HYCC2: variants seen among roughly 807,000 people sequenced by gnomAD.
HYCC2 encodes hyccin PI4KA lipid kinase complex subunit 2, also known as hyccin 2.
chr2:201,036,080 A>G, the HYCC2 span, among the ~76,000 whole-genome samples: 1 of 152,216 alleles, frequency 6.6e-6, no homozygotes, highest in Non-Finnish European at 1.5e-5. Context: ...GATCCCACAG[A>G]AATACAAACT....
chr2:200,997,321 C>T, the HYCC2 span: 23 of 650,690 alleles, frequency 3.5e-5, no homozygotes, highest in East Asian at 6.2e-4. Context: ...TACAGGAATG[C>T]AAGCTCCATG....
chr2:201,007,853 G>A, the HYCC2 span, among the ~76,000 whole-genome samples: 2 of 152,134 alleles, frequency 1.3e-5, no homozygotes. Context: ...AAAAACTCTG[G>A]AAACCAGAGC....
chr2:200,996,028 C>CTTTTTTTTTTTTTTTTTTT, the HYCC2 span: 1 of 115,506 alleles, frequency 8.7e-6, no homozygotes, highest in Non-Finnish European at 1.8e-5. Flanking sequence ...TTTCTTTTTT[C>CTTTTTTTTTTTTTTTTTTT]TTTTTTTTTT....
the HYCC2 span, among the ~76,000 whole-genome samples, chr2:201,038,995 A>T: frequency 6.6e-6 from 1 of 151,862 alleles, no homozygotes. Context: ...GCCACTTTTT[A>T]AAAATTATCC....
chr2:200,976,115 A>T, the HYCC2 span: 3 of 152,118 alleles, frequency 2.0e-5, no homozygotes, highest in African/African-American at 4.8e-5. Context: ...AAAACACTTT[A>T]AAAAAATTAA....
the HYCC2 span, among the ~76,000 whole-genome samples, chr2:201,062,785 T>C: frequency 1.3e-5 from 2 of 150,670 alleles, no homozygotes; most frequent in African/African-American, 4.9e-5. Flanking sequence ...ACCACTGCAC[T>C]CCAGCCTGGG....
chr2:201,016,209 T>C, the HYCC2 span, among the ~76,000 whole-genome samples: 2 of 152,046 alleles, frequency 1.3e-5, no homozygotes, highest in Non-Finnish European at 2.9e-5. Context: ...TAAAATACAT[T>C]ATCAAAAAAA....
At chr2:201,036,504 C>T in the HYCC2 span, among the ~76,000 whole-genome samples, 5 of 152,308 alleles carry the variant, frequency 3.3e-5, no homozygotes, top group African/African-American at 1.2e-4. Context: ...CAATAAAATA[C>T]TGGCAAACCG....
the HYCC2 span, among the ~76,000 whole-genome samples, chr2:201,062,826 A>C: frequency 6.7e-6 from 1 of 148,520 alleles, no homozygotes; most frequent in Non-Finnish European, 1.5e-5. Context: ...TCCAAAAATA[A>C]TAATAATTAT....
the HYCC2 span, chr2:201,017,220 C>T: frequency 1.4e-6 from 2 of 1,425,864 alleles, no homozygotes; most frequent in Non-Finnish European, 1.9e-6. Context: ...TTGGTTGTAA[C>T]TGTTGTTTTT....
At chr2:201,057,370 C>T in the HYCC2 span, among the ~76,000 whole-genome samples, 25 of 152,172 alleles carry the variant, frequency 1.6e-4, no homozygotes, top group Admixed American at 1.6e-3. Flanking sequence ...ATGCAATTCT[C>T]CAGCCTGTTC....
At chr2:201,050,025 T>C in the HYCC2 span, among the ~76,000 whole-genome samples, 2 of 151,586 alleles carry the variant, frequency 1.3e-5, no homozygotes, top group African/African-American at 4.8e-5. Context: ...AAATTATCTA[T>C]AGGTCAAAGA....
chr2:201,056,635 T>C, the HYCC2 span, among the ~76,000 whole-genome samples: 5 of 150,290 alleles, frequency 3.3e-5, no homozygotes, highest in Non-Finnish European at 7.4e-5. Context: ...GATCATGCCA[T>C]TGCACTCCAG....
chr2:201,059,030 C>A, the HYCC2 span, among the ~76,000 whole-genome samples: 3 of 152,174 alleles, frequency 2.0e-5, no homozygotes, highest in Non-Finnish European at 2.9e-5. Flanking sequence ...TGGCTTTCTC[C>A]AGCCTTCAAA....
chr2:200,981,502 C>T, the HYCC2 span: 26 of 1,614,218 alleles, frequency 1.6e-5, no homozygotes, highest in South Asian at 2.6e-4. This position sits in a 1 kb window ranked among gnomAD's most constrained non-coding sequence, Gnocchi z 4.5. Flanking sequence ...AAATGATTTA[C>T]TTGAGGAAGC....
At chr2:200,995,109 A>G in the HYCC2 span, among the ~76,000 whole-genome samples, 1 of 152,178 alleles carries the variant, frequency 6.6e-6, no homozygotes, top group Non-Finnish European at 1.5e-5. Flanking sequence ...GTAATGAATT[A>G]TAAATAAGTT....
chr2:200,981,961 T>C, the HYCC2 span: 4 of 1,432,444 alleles, frequency 2.8e-6, no homozygotes, highest in Non-Finnish European at 3.7e-6. This position sits in a 1 kb window ranked among gnomAD's most constrained non-coding sequence, Gnocchi z 4.5. Flanking sequence ...TCTTGGGCAA[T>C]GTTCGCTATA....
At chr2:201,066,406 C>T in the HYCC2 span, among the ~76,000 whole-genome samples, 19 of 152,040 alleles carry the variant, frequency 1.2e-4, no homozygotes, top group African/African-American at 4.3e-4. Context: ...TACAGTCACC[C>T]TATAATGTAG....
At chr2:201,022,160 A>T in the HYCC2 span, 1 of 1,129,690 alleles carries the variant, frequency 8.9e-7, no homozygotes, top group Non-Finnish European at 1.2e-6. Flanking sequence ...TTTCATTTTC[A>T]TTTTAAGCAT....
Sources: gnomAD v4.1 joint callset for allele counts (sites outside exome capture counted in the v4.1 genomes callset) on GRCh38, gnomAD v4.1.1 for gene constraint, Gnocchi (gnomAD v3.1) non-coding constraint, MANE v1.5 for transcripts, NCBI Gene and HGNC (gene_info 2026-07-23, HGNC 2026-07-21) for gene names.